Variants in ACACA observed in about 807,000 individuals in gnomAD.
The protein encoded by ACACA is acetyl-CoA carboxylase 1.
Under a neutral mutation model 296.1 loss-of-function variants are expected in ACACA, and 103 were observed. The observed-to-expected ratio is 0.35, with a 90% confidence interval of 0.30 to 0.41. The LOEUF (loss-of-function observed/expected upper bound fraction) is 0.41, where lower values mean the gene tolerates loss of function less well. ACACA is among the 10% of genes least tolerant of loss of function. ACACA has a pLI of 1.00. For missense variants in ACACA, 1,554 were observed against 2,989.7 expected (o/e 0.52, Z 11.20); for synonymous variants, 953 against 1,038.6 (o/e 0.92, Z 1.58).
intron 54 of ACACA, 36 bp from the exon 55 acceptor site, chr17:37,089,110 T>G: frequency 6.2e-7 from 1 of 1,613,930 alleles, no homozygotes; most frequent in Non-Finnish European, 8.5e-7. Context: ...ACACCAGGGG[T>G]CAGGCCAGGC....
intron 2 of ACACA, among the ~76,000 whole-genome samples, chr17:37,337,793 C>T (rs1026953739): frequency 6.6e-6 from 1 of 151,532 alleles, no homozygotes; most frequent in Non-Finnish European, 1.5e-5. Flanking sequence ...CTTTAGCTAA[C>T]TTCTATCTTT....
At chr17:37,088,837 A>C (rs1305690956) in intron 55 of ACACA, 101 bp downstream of exon 55, 15 of 1,460,260 alleles carry the variant, frequency 1.0e-5, no homozygotes, top group South Asian at 1.1e-5. Flanking sequence ...GACTGCAGAG[A>C]TCATAAGATT....
intron 45 of ACACA, among the ~76,000 whole-genome samples, chr17:37,141,631 T>C (rs1469287383): frequency 6.6e-6 from 1 of 152,092 alleles, no homozygotes; most frequent in Non-Finnish European, 1.5e-5. Flanking sequence ...AACATCTAAA[T>C]AGATTAAAGC....
chr17:37,200,536 A>G (rs948543004), intron 33 of ACACA, 53 bp from the exon 34 acceptor site: 5 of 1,516,270 alleles, frequency 3.3e-6, no homozygotes, highest in Non-Finnish European at 3.7e-6. Context: ...CATTCATTCT[A>G]AATTTTATCC....
At chr17:37,167,696 C>CAA (rs540610206) in intron 41 of ACACA, among the ~76,000 whole-genome samples, 4,818 of 75,492 alleles carry the variant, frequency 0.064, 303 homozygotes, top group African/African-American at 0.19. Context: ...CAAAAACTGG[C>CAA]AAAAAAAAAA....
intron 9 of ACACA, among the ~76,000 whole-genome samples, chr17:37,271,963 C>A (rs913265213): frequency 6.6e-6 from 1 of 152,142 alleles, no homozygotes; most frequent in East Asian, 1.9e-4. Context: ...CAAAGTGAGA[C>A]CCTGTTTCAA....
chr17:37,119,231 C>A (rs984537312), intron 50 of ACACA, among the ~76,000 whole-genome samples: 8 of 152,172 alleles, frequency 5.3e-5, no homozygotes, highest in African/African-American at 1.9e-4. Context: ...TTTGAATATC[C>A]TGGTATTTTG....
chr17:37,305,582 A>G (rs1363237501), intron 3 of ACACA, among the ~76,000 whole-genome samples: 1 of 152,184 alleles, frequency 6.6e-6, no homozygotes, highest in African/African-American at 2.4e-5. Context: ...GGGCCTTATC[A>G]TGTCTCTTCT....
At chr17:37,107,640 G>T (rs947455039) in intron 52 of ACACA, among the ~76,000 whole-genome samples, 2 of 152,226 alleles carry the variant, frequency 1.3e-5, no homozygotes, top group Non-Finnish European at 2.9e-5. Flanking sequence ...CTGTGTGGGC[G>T]CAGTGCGGTG....
chr17:37,191,010 C>T (rs2077729561), intron 38 of ACACA, 110 bp downstream of exon 38: 1 of 1,323,138 alleles, frequency 7.6e-7, no homozygotes, highest in African/African-American at 1.4e-5. Context: ...ATTAAGGGCT[C>T]AACAGCCTGA....
chr17:37,101,979 A>C (rs2073386101), intron 52 of ACACA, among the ~76,000 whole-genome samples: 1 of 146,678 alleles, frequency 6.8e-6, no homozygotes, highest in African/African-American at 2.5e-5. Flanking sequence ...CACATATCAT[A>C]ATCACCAAGC....
chr17:37,240,676 G>A, intron 23 of ACACA, 112 bp from the exon 24 acceptor site: 1 of 814,716 alleles, frequency 1.2e-6, no homozygotes, highest in Non-Finnish European at 2.0e-6. Context: ...CTTTCCCTCT[G>A]AATAAAGAAC....
chr17:37,306,572 T>A (rs994573690), intron 3 of ACACA, among the ~76,000 whole-genome samples: 1 of 152,204 alleles, frequency 6.6e-6, no homozygotes, highest in Non-Finnish European at 1.5e-5. Flanking sequence ...AGGTAAAGAC[T>A]ACTCTGACCT....
chr17:37,264,025 A>G, intron 10 of ACACA, 131 bp from the exon 11 acceptor site: 1 of 712,690 alleles, frequency 1.4e-6, no homozygotes, highest in Non-Finnish European at 2.4e-6. Context: ...CAGCAGAAAT[A>G]CAAAACTGAA....
chr17:37,203,328 T>A (rs2043003009), intron 33 of ACACA, among the ~76,000 whole-genome samples: 1 of 152,130 alleles, frequency 6.6e-6, no homozygotes, highest in African/African-American at 2.4e-5. Context: ...ACAAGAAGTG[T>A]CAAGTTGTGG....
At chr17:37,269,035 TG>T (rs149550820) in intron 10 of ACACA, among the ~76,000 whole-genome samples, 1,900 of 122,770 alleles carry the variant, frequency 0.015, 50 homozygotes, top group African/African-American at 0.063. Context: ...TAGAATTCAA[TG>T]AAAAAAATGT....
At chr17:37,186,813 T>C (rs1261529282) in intron 39 of ACACA, among the ~76,000 whole-genome samples, 1 of 152,058 alleles carries the variant, frequency 6.6e-6, no homozygotes, top group Non-Finnish European at 1.5e-5. Flanking sequence ...TAAACCCTGA[T>C]TGAAGGCATC....
At chr17:37,218,147 CAAAAAAAA>C (rs60487601) in intron 29 of ACACA, among the ~76,000 whole-genome samples, 3 of 116,602 alleles carry the variant, frequency 2.6e-5, no homozygotes, top group South Asian at 2.8e-4. Context: ...CTACCAGTAA[CAAAAAAAA>C]AAAAAAAAAA....
intron 3 of ACACA, among the ~76,000 whole-genome samples, chr17:37,298,550 G>A (rs1283230561): frequency 6.6e-6 from 1 of 152,154 alleles, no homozygotes; most frequent in African/African-American, 2.4e-5. Flanking sequence ...AGCCAGGCAT[G>A]ATGGTGCATG....
Sources: allele counts gnomAD v4.1 joint callset (sites outside exome capture counted in the v4.1 genomes callset), GRCh38; gene constraint gnomAD v4.1.1; transcripts MANE v1.5; gene names NCBI Gene and HGNC (gene_info 2026-07-23, HGNC 2026-07-21).